Variants in ZBTB7C observed in about 807,000 individuals in gnomAD.
The protein encoded by ZBTB7C is zinc finger and BTB domain containing 7C.
Under a neutral mutation model 25.7 loss-of-function variants are expected in ZBTB7C, and 8 were observed. The ratio of observed to expected loss-of-function variants is 0.31; its 90% CI spans 0.18 to 0.56. The LOEUF (loss-of-function observed/expected upper bound fraction) is 0.56, where lower values mean the gene tolerates loss of function less well. Ranked by LOEUF, ZBTB7C falls within the 20% of genes least tolerant of loss-of-function variation. The pLI, the probability that ZBTB7C is intolerant of heterozygous loss-of-function variation, is 0.91. For synonymous variants in ZBTB7C, 394 were observed against 369.0 expected, an observed-to-expected ratio of 1.07 and a Z score of -0.78; for missense variants, 824 against 855.2, an observed-to-expected ratio of 0.96 and a Z score of 0.46.
chr18:48,030,838 G>A (rs537158136), intron 4 of ZBTB7C, among the ~76,000 whole-genome samples: 20 of 150,292 alleles, frequency 1.3e-4, no homozygotes, highest in African/African-American at 4.7e-4. Context: ...TGGTGGTCTT[G>A]ACAGGAAAAC....
At chr18:48,355,931 G>A (rs970460094) in intron 1 of ZBTB7C, among the ~76,000 whole-genome samples, 31 of 152,296 alleles carry the variant, frequency 2.0e-4, no homozygotes, top group African/African-American at 7.0e-4. Flanking sequence ...GGGCTGAGAA[G>A]TTCACGTTGG....
chr18:48,324,285 C>T (rs1410403828), intron 2 of ZBTB7C, among the ~76,000 whole-genome samples: 1 of 152,058 alleles, frequency 6.6e-6, no homozygotes, highest in African/African-American at 2.4e-5. Flanking sequence ...GGAGTCAACC[C>T]GGAGAAGGCA....
At chr18:48,074,135 T>G (rs542536016) in intron 3 of ZBTB7C, among the ~76,000 whole-genome samples, 1 of 151,568 alleles carries the variant, frequency 6.6e-6, no homozygotes, top group Admixed American at 6.6e-5. Flanking sequence ...TGTCTCAGCC[T>G]CCTGAGTAGC....
intron 3 of ZBTB7C, among the ~76,000 whole-genome samples, chr18:48,100,540 T>G (rs2038792357): frequency 6.6e-6 from 1 of 152,302 alleles, no homozygotes; most frequent in East Asian, 1.9e-4. Flanking sequence ...AAGACCAGCC[T>G]TCAGAGTAAC....
intron 2 of ZBTB7C, among the ~76,000 whole-genome samples, chr18:48,236,025 C>G (rs1315483764): frequency 6.6e-6 from 1 of 152,200 alleles, no homozygotes; most frequent in Non-Finnish European, 1.5e-5. Context: ...CTTTCTCAAT[C>G]TCACTACTCT....
At chr18:48,314,743 C>A (rs1444712745) in intron 2 of ZBTB7C, among the ~76,000 whole-genome samples, 5 of 152,152 alleles carry the variant, frequency 3.3e-5, no homozygotes, top group Admixed American at 1.3e-4. Flanking sequence ...GTTGCCCCCA[C>A]CCCTCCAGGC....
At chr18:48,371,124 AGGGGTTCAT>A (rs2047379018) in intron 1 of ZBTB7C, among the ~76,000 whole-genome samples, 1 of 152,254 alleles carries the variant, frequency 6.6e-6, no homozygotes, top group African/African-American at 2.4e-5. Context: ...TATCTCTCAA[AGGGGTTCAT>A]TTCCTGAAGA....
intron 2 of ZBTB7C, among the ~76,000 whole-genome samples, chr18:48,192,904 G>A (rs1225457683): frequency 2.6e-5 from 4 of 152,158 alleles, no homozygotes; most frequent in African/African-American, 9.7e-5. Context: ...AGGACTCTCT[G>A]TACTTTCTGC....
At chr18:48,101,688 G>A (rs1340849950) in intron 3 of ZBTB7C, among the ~76,000 whole-genome samples, 1 of 152,212 alleles carries the variant, frequency 6.6e-6, no homozygotes, top group East Asian at 1.9e-4. Flanking sequence ...TGAGGAAACT[G>A]AGGCAAAGGT....
At chr18:48,256,940 A>C (rs115487236) in intron 2 of ZBTB7C, among the ~76,000 whole-genome samples, 4,629 of 152,082 alleles carry the variant, frequency 0.03, 112 homozygotes, top group African/African-American at 0.063. Flanking sequence ...TAAAAAGAGG[A>C]AAAATTGAAC....
At chr18:48,391,325 T>C (rs543902350) in intron 1 of ZBTB7C, among the ~76,000 whole-genome samples, 2 of 152,340 alleles carry the variant, frequency 1.3e-5, no homozygotes, top group Admixed American at 6.5e-5. Context: ...TTGTCAATGT[T>C]ACTCTGATCT....
chr18:48,395,538 T>C (rs1383195352), intron 1 of ZBTB7C, among the ~76,000 whole-genome samples: 1 of 151,554 alleles, frequency 6.6e-6, no homozygotes, highest in African/African-American at 2.4e-5. Flanking sequence ...ATCTGTGTAC[T>C]TGTGTTCTAT....
intron 3 of ZBTB7C, among the ~76,000 whole-genome samples, chr18:48,139,403 G>A (rs1030073902): frequency 5.3e-5 from 8 of 152,266 alleles, no homozygotes; most frequent in Admixed American, 4.6e-4. Context: ...GAGGGAAGCT[G>A]TAGGGAGGGG....
intron 3 of ZBTB7C, among the ~76,000 whole-genome samples, chr18:48,103,112 T>TTATCTATCTATCTATC (rs61043835): frequency 0.02 from 2,606 of 130,902 alleles, 49 homozygotes; most frequent in East Asian, 0.036. Flanking sequence ...ATATTTTATA[T>TTATCTATCTATCTATC]TATCTATCTA....
Position 48,041,388 on chromosome 18 carries a change from C to G in ZBTB7C, c.-16-265G>C, listed in dbSNP as rs1310077101. On this transcript the variant is annotated intron_variant, in intron 3 of 4. Coordinates refer to ENST00000590800, the MANE Select transcript of ZBTB7C (RefSeq NM_001318841.2). ...TCAGCTACTCACCAAAGGCTGCAAG[C>G]CTTCTCTCAGGCTTGGTGTTACTGA... The G allele has an allele frequency of 1.1e-5, 11 of 985,320 alleles. No individual in the cohort carries two copies. The East Asian group carries it at 9.1e-4, about 81-fold the overall frequency. 61.0% of individuals were successfully genotyped at this position (985,320 alleles called of 1,614,324 possible).
intron 3 of ZBTB7C, chr18:48,169,666 A>G (rs1253841970): frequency 1.3e-5 from 2 of 152,360 alleles, no homozygotes; most frequent in Non-Finnish European, 2.9e-5. Context: ...AAACACAGCC[A>G]AGCATACTGG....
intron 1 of ZBTB7C, chr18:48,375,595 A>G (rs762276401): frequency 6.6e-6 from 1 of 152,256 alleles, no homozygotes; most frequent in Non-Finnish European, 1.5e-5. Flanking sequence ...GTGTGTACAC[A>G]TACACACACA....
chr18:48,331,105 G>T (rs1404775285), intron 2 of ZBTB7C, among the ~76,000 whole-genome samples: 1 of 152,064 alleles, frequency 6.6e-6, no homozygotes, highest in African/African-American at 2.4e-5. Context: ...GGCTTTGCTA[G>T]CCTCCATCCC....
chr18:48,147,358 G>A (rs541824122), intron 3 of ZBTB7C, among the ~76,000 whole-genome samples: 20 of 152,160 alleles, frequency 1.3e-4, no homozygotes, highest in Admixed American at 5.9e-4. Flanking sequence ...GATTACACGC[G>A]TGAGCTACCG....
Sources: allele counts gnomAD v4.1 joint callset (sites outside exome capture counted in the v4.1 genomes callset), GRCh38; gene constraint gnomAD v4.1.1; transcripts MANE v1.5; gene names NCBI Gene and HGNC (gene_info 2026-07-23, HGNC 2026-07-21).